The following GRM8 variants were observed in gnomAD, a reference collection of about 807,000 sequenced individuals.
The protein encoded by GRM8 is metabotropic glutamate receptor 8.
A neutral mutation model predicts 87.2 loss-of-function variants in GRM8; 47 were observed. That is an observed-to-expected ratio of 0.54 (90% CI 0.43 to 0.69). The LOEUF is 0.69. Among genes scored for constraint, GRM8 ranks in the 30% least tolerant of loss-of-function variants. The probability of loss-of-function intolerance (pLI) is 0.00; values close to 1 mark genes in which losing one functional copy is unlikely to be tolerated. For synonymous variants in GRM8, 396 were observed against 404.5 expected, an observed-to-expected ratio of 0.98 and a Z score of 0.25; for missense variants, 1,019 against 1,139.2, an observed-to-expected ratio of 0.89 and a Z score of 1.52.
rs1236281486 is a variant in GRM8, at chr7:126,646,612, G to A, written c.1358-37114C>T. Among the ~76,000 whole-genome samples, 28 of 147,078 alleles carry A rather than the reference G, an allele frequency of 1.9e-4. No individual in the cohort carries two copies. The Admixed American group carries it at 1.9e-3, about 10-fold the overall frequency. On this transcript the variant is annotated intron_variant, in intron 7 of 10. Transcript: ENST00000339582. Reference sequence around the variant, plus strand: ...TGTGTGATACCACCCACATGCTTAAGAGAAGGCATTCTGCAGGCTTAGGTA... The same window carrying A: ...TGTGTGATACCACCCACATGCTTAAAAGAAGGCATTCTGCAGGCTTAGGTA...
chr7:127,030,191 T>C (rs1817223598), intron 3 of GRM8, among the ~76,000 whole-genome samples: 2 of 152,058 alleles, frequency 1.3e-5, no homozygotes, highest in Non-Finnish European at 2.9e-5. Flanking sequence ...CTCCTGCACC[T>C]TGGCCACTCC....
At chr7:126,534,554 G>T (rs1372072185) in intron 8 of GRM8, among the ~76,000 whole-genome samples, 1 of 152,104 alleles carries the variant, frequency 6.6e-6, no homozygotes, top group Non-Finnish European at 1.5e-5. Flanking sequence ...AACGAAAGTG[G>T]CCCTATGGTG....
intron 2 of GRM8, among the ~76,000 whole-genome samples, chr7:127,161,389 C>G (rs1230886704): frequency 6.6e-6 from 1 of 152,124 alleles, no homozygotes. Flanking sequence ...AATCTTTCTT[C>G]CAGTCCTAGA....
intron 6 of GRM8, among the ~76,000 whole-genome samples, chr7:126,814,934 T>G (rs768248938): frequency 6.6e-6 from 1 of 152,042 alleles, no homozygotes; most frequent in Non-Finnish European, 1.5e-5. Context: ...ACAAATGACT[T>G]TAAACAAATC....
intron 9 of GRM8, among the ~76,000 whole-genome samples, chr7:126,532,551 A>G (rs1348063848): frequency 6.6e-6 from 1 of 152,056 alleles, no homozygotes; most frequent in East Asian, 1.9e-4. Flanking sequence ...CACCCCTGTG[A>G]ACCATGTCTG....
intron 3 of GRM8, among the ~76,000 whole-genome samples, chr7:126,934,942 G>A (rs1276206083): frequency 6.6e-6 from 1 of 152,138 alleles, no homozygotes; most frequent in Non-Finnish European, 1.5e-5. Context: ...CGTTTTAACT[G>A]GTAGTAATTT....
At chr7:126,508,538 C>A (rs1810847911) in intron 9 of GRM8, among the ~76,000 whole-genome samples, 1 of 152,030 alleles carries the variant, frequency 6.6e-6, no homozygotes, top group Admixed American at 6.6e-5. Flanking sequence ...TTGGAGGTGA[C>A]AAACATTCCA....
chr7:126,634,680 C>G (rs1348314157), intron 7 of GRM8, among the ~76,000 whole-genome samples: 3 of 151,988 alleles, frequency 2.0e-5, no homozygotes, highest in Non-Finnish European at 4.4e-5. Context: ...TTCCTCCCCC[C>G]ACCTTTCAGG....
intron 9 of GRM8, among the ~76,000 whole-genome samples, chr7:126,501,035 T>G (rs1479690520): frequency 6.6e-6 from 1 of 152,036 alleles, no homozygotes; most frequent in African/African-American, 2.4e-5. Flanking sequence ...TCTAAAATGC[T>G]GCTTACATAC....
At chr7:126,890,140 C>T (rs575654889) in intron 6 of GRM8, among the ~76,000 whole-genome samples, 1 of 152,116 alleles carries the variant, frequency 6.6e-6, no homozygotes, top group Non-Finnish European at 1.5e-5. Flanking sequence ...TGACCAATAG[C>T]CACATGTCAC....
intron 6 of GRM8, among the ~76,000 whole-genome samples, chr7:126,852,804 ATT>A (rs1366194612): frequency 6.6e-6 from 1 of 152,032 alleles, no homozygotes; most frequent in Non-Finnish European, 1.5e-5. Context: ...ATTTCTGTAT[ATT>A]TATTTTCATA....
At chr7:126,919,196 G>A (rs1309916503) in intron 3 of GRM8, among the ~76,000 whole-genome samples, 1 of 152,098 alleles carries the variant, frequency 6.6e-6, no homozygotes, top group Non-Finnish European at 1.5e-5. Flanking sequence ...TGTTCCCTCT[G>A]CATGACCCTG....
chr7:126,513,628 C>T (rs1449326835), intron 9 of GRM8, among the ~76,000 whole-genome samples: 3 of 152,120 alleles, frequency 2.0e-5, no homozygotes, highest in Non-Finnish European at 4.4e-5. Flanking sequence ...ATCATGTTGA[C>T]ACAGCATACA....
intron 9 of GRM8, among the ~76,000 whole-genome samples, chr7:126,472,125 A>G (rs369660853): frequency 6.6e-6 from 1 of 152,188 alleles, no homozygotes; most frequent in Non-Finnish European, 1.5e-5. Flanking sequence ...CAATCATGTC[A>G]TCTGCAAGCA....
At chr7:127,229,011 A>G (rs1012870908) in intron 2 of GRM8, 1 of 152,180 alleles carries the variant, frequency 6.6e-6, no homozygotes, top group African/African-American at 2.4e-5. Flanking sequence ...TCAATCCTAT[A>G]CCACTACAAT....
chr7:127,144,905 A>T (rs949541632), intron 2 of GRM8, among the ~76,000 whole-genome samples: 4 of 152,106 alleles, frequency 2.6e-5, no homozygotes, highest in African/African-American at 9.7e-5. Context: ...CAGATCGGTT[A>T]TCTACACAGT....
At chr7:126,611,346 T>C (rs1238741052) in intron 7 of GRM8, among the ~76,000 whole-genome samples, 1 of 152,200 alleles carries the variant, frequency 6.6e-6, no homozygotes, top group Non-Finnish European at 1.5e-5. Context: ...GTTGTGAGAA[T>C]TAAATAATCA....
At chr7:126,470,206 A>ATTG (rs1434954223) in intron 9 of GRM8, among the ~76,000 whole-genome samples, 1 of 151,932 alleles carries the variant, frequency 6.6e-6, no homozygotes, top group Non-Finnish European at 1.5e-5. Flanking sequence ...TATTATTATT[A>ATTG]TACTTTAAGT....
intron 9 of GRM8, among the ~76,000 whole-genome samples, chr7:126,453,070 AAC>A (rs71177555): frequency 0.12 from 16,870 of 145,786 alleles, 1,003 homozygotes; most frequent in Non-Finnish European, 0.14. Flanking sequence ...TTATAGCAGA[AAC>A]ACACACACAC....
Sources: allele counts gnomAD v4.1 joint callset (sites outside exome capture counted in the v4.1 genomes callset), GRCh38; gene constraint gnomAD v4.1.1; transcripts MANE v1.5; gene names NCBI Gene and HGNC (gene_info 2026-07-23, HGNC 2026-07-21).